ANO3: variants seen among roughly 807,000 people sequenced by gnomAD.
ANO3 encodes the protein anoctamin-3.
Under a neutral mutation model 144.8 loss-of-function variants are expected in ANO3, and 99 were observed. The observed-to-expected ratio is 0.68, with a 90% CI of 0.58 to 0.81. The LOEUF is 0.81. Among genes scored for constraint, ANO3 ranks in the 30% least tolerant of loss-of-function variants. ANO3 has a pLI of 0.00. For missense variants in ANO3, 905 were observed against 1,202.2 expected (o/e 0.75, Z 3.66); for synonymous variants, 414 against 392.6 (o/e 1.05, Z -0.64).
intron 4 of ANO3, among the ~76,000 whole-genome samples, chr11:26,478,927 C>A (rs1590397604): frequency 6.6e-6 from 1 of 152,204 alleles, no homozygotes; most frequent in African/African-American, 2.4e-5. Context: ...CTCTGAATTT[C>A]TTCCAGTTTT....
At chr11:26,499,935 C>A (rs979088237) in intron 4 of ANO3, among the ~76,000 whole-genome samples, 1 of 151,856 alleles carries the variant, frequency 6.6e-6, no homozygotes, top group Non-Finnish European at 1.5e-5. Context: ...TAGAAAGAAA[C>A]CCTGTACCTG....
At chr11:26,529,145 A>ATTAT (rs1246888179) in intron 7 of ANO3, among the ~76,000 whole-genome samples, 1 of 7,328 alleles carries the variant, frequency 1.4e-4, no homozygotes, top group African/African-American at 3.4e-4. Flanking sequence ...TATATTATAT[A>ATTAT]ATAATATATA....
chr11:26,393,912 A>G (rs931701391), intron 1 of ANO3, among the ~76,000 whole-genome samples: 5 of 152,156 alleles, frequency 3.3e-5, no homozygotes, highest in Non-Finnish European at 7.4e-5. Flanking sequence ...TCTGACCTAG[A>G]GGTATTAAAA....
Position 26,605,766 on chromosome 11 carries a change from G to A in ANO3, c.1836+6052G>A, listed in dbSNP as rs567323098. On this transcript the variant is annotated intron_variant, in intron 17 of 26. Coordinates refer to ENST00000256737, the MANE Select transcript of ANO3 (RefSeq NM_031418.4). ...TTCTCTGACGGTAGTTTGTATTTCC[G>A]TGGGATCAGTGGTGATATCCCCTTT... 1.2e-3 allele frequency among the ~76,000 whole-genome samples: 175 copies of A among 151,856 alleles called. 1 individual carries two copies. The highest frequency in any genetic ancestry group is 3.4e-3 in the Middle Eastern group (1 of 294).
intron 1 of ANO3, among the ~76,000 whole-genome samples, chr11:26,389,624 T>C (rs117598246): frequency 0.013 from 1,908 of 152,148 alleles, 25 homozygotes; most frequent in Middle Eastern, 0.051. Flanking sequence ...TTGAAAAGAA[T>C]TTTTTGATTC....
chr11:26,383,983 C>T (rs10767521), intron 1 of ANO3, among the ~76,000 whole-genome samples: 78,246 of 144,854 alleles, frequency 0.54, 22,123 homozygotes, highest in East Asian at 0.68. Flanking sequence ...CTGCAACCTC[C>T]GCTTCTCGGG....
At chr11:26,440,974 G>A (rs1054398728) in intron 1 of ANO3, among the ~76,000 whole-genome samples, 17 of 152,032 alleles carry the variant, frequency 1.1e-4, no homozygotes, top group Admixed American at 3.9e-4. Context: ...ACAGTGTAGG[G>A]GGACTTCTGC....
intron 18 of ANO3, among the ~76,000 whole-genome samples, chr11:26,630,403 C>A (rs116959887): frequency 0.016 from 2,481 of 152,294 alleles, 27 homozygotes; most frequent in Non-Finnish European, 0.025. Context: ...CACATAGATT[C>A]CTTTATTATT....
At chr11:26,590,861 A>G (rs1364445920) in intron 14 of ANO3, among the ~76,000 whole-genome samples, 1 of 152,098 alleles carries the variant, frequency 6.6e-6, no homozygotes, top group East Asian at 1.9e-4. Context: ...CGTAACAAAC[A>G]CGGACCAGAA....
intron 26 of ANO3, among the ~76,000 whole-genome samples, chr11:26,658,977 T>G (rs892523994): frequency 2.0e-5 from 3 of 151,912 alleles, no homozygotes; most frequent in African/African-American, 7.3e-5. Context: ...TCTGAGAAAT[T>G]GAAATATCTA....
At chr11:26,587,227 G>A (rs907484619) in intron 14 of ANO3, among the ~76,000 whole-genome samples, 1 of 152,160 alleles carries the variant, frequency 6.6e-6, no homozygotes, top group African/African-American at 2.4e-5. Flanking sequence ...ATGACTTAGG[G>A]CAGTGTAGAG....
chr11:26,470,150 G>A (rs1238560059), intron 4 of ANO3, among the ~76,000 whole-genome samples: 1 of 151,872 alleles, frequency 6.6e-6, no homozygotes, highest in Non-Finnish European at 1.5e-5. Flanking sequence ...TATAATCCCA[G>A]CACTTTGGGA....
At chr11:26,512,076 A>C (rs1861685580) in intron 5 of ANO3, among the ~76,000 whole-genome samples, 1 of 152,220 alleles carries the variant, frequency 6.6e-6, no homozygotes, top group Admixed American at 6.5e-5. Flanking sequence ...TGGATTACTG[A>C]AAAGAACATA....
At chr11:26,403,220 T>C (rs978259240) in intron 1 of ANO3, among the ~76,000 whole-genome samples, 1 of 151,958 alleles carries the variant, frequency 6.6e-6, no homozygotes, top group Admixed American at 6.6e-5. Flanking sequence ...GAGTATCTCA[T>C]GGTGGGTATT....
At chr11:26,584,091 T>A (rs1045399018) in intron 14 of ANO3, among the ~76,000 whole-genome samples, 1 of 152,228 alleles carries the variant, frequency 6.6e-6, no homozygotes, top group Non-Finnish European at 1.5e-5. Context: ...ATCTTGATTG[T>A]TCAATATATA....
At chr11:26,436,343 G>A (rs1373913118) in intron 1 of ANO3, among the ~76,000 whole-genome samples, 13 of 152,166 alleles carry the variant, frequency 8.5e-5, no homozygotes, top group Non-Finnish European at 1.5e-5. Context: ...GTCCCAGCAG[G>A]GGGTGGACCC....
intron 4 of ANO3, among the ~76,000 whole-genome samples, chr11:26,471,514 C>T (rs1376122060): frequency 6.6e-6 from 1 of 151,888 alleles, no homozygotes; most frequent in Non-Finnish European, 1.5e-5. Flanking sequence ...ATATTTTCAA[C>T]TGAATCTATT....
chr11:26,549,048 C>A (rs532864984), intron 12 of ANO3, among the ~76,000 whole-genome samples: 2 of 151,648 alleles, frequency 1.3e-5, no homozygotes, highest in African/African-American at 4.8e-5. Flanking sequence ...AACATATTAA[C>A]AAAATGTTAG....
Position 26,508,353 on chromosome 11 carries a change from G to C in ANO3, c.591+91G>C, listed in dbSNP as rs294025. 7,472 of 1,188,988 alleles carry C rather than the reference G, an allele frequency of 6.3e-3. 266 individuals carry two copies. In the African/African-American group the frequency reaches 0.09, roughly 14 times the overall value. The allele number at this position is 1,188,988 out of a possible 1,614,324, so 73.7% of individuals were successfully genotyped here. On this transcript the variant is annotated intron_variant, in intron 5 of 26. Coordinates refer to ENST00000256737, the MANE Select transcript of ANO3 (RefSeq NM_031418.4). The stretch of plus-strand genomic sequence containing the variant: ...TTAGAAAGAAAAATATGTATCACAT[G>C]ACTTTATAAAATACATAGTTTTTTT...
Sources: allele counts gnomAD v4.1 joint callset (sites outside exome capture counted in the v4.1 genomes callset), GRCh38; gene constraint gnomAD v4.1.1; transcripts MANE v1.5; gene names NCBI Gene and HGNC (gene_info 2026-07-23, HGNC 2026-07-21).